Variants in UNC80 observed in about 807,000 individuals in gnomAD.
The protein encoded by UNC80 is protein unc-80 homolog.
A neutral mutation model predicts 384.6 loss-of-function variants in UNC80; 164 were observed. That is an observed-to-expected ratio of 0.43 (90% CI 0.38 to 0.49). UNC80 has a LOEUF of 0.49. UNC80 is among the 20% of genes least tolerant of loss of function. UNC80 has a pLI of 0.00. For synonymous variants in UNC80, 1,486 were observed against 1,527.8 expected (o/e 0.97, Z 0.64); for missense variants, 3,330 against 4,143.0 (o/e 0.80, Z 5.39).
chr2:209,845,310 A>G (rs770182430), intron 21 of UNC80: 12 of 152,200 alleles, frequency 7.9e-5, no homozygotes, highest in Non-Finnish European at 1.5e-4. Flanking sequence ...TTATGGCACT[A>G]TGCTTCCCCG....
At chr2:209,906,227 C>T (rs907129264) in intron 29 of UNC80, among the ~76,000 whole-genome samples, 5 of 151,706 alleles carry the variant, frequency 3.3e-5, no homozygotes, top group African/African-American at 1.2e-4. Flanking sequence ...TTTGTTATAC[C>T]TTAGTGCTCA....
intron 29 of UNC80, among the ~76,000 whole-genome samples, chr2:209,905,894 C>T (rs1054309266): frequency 3.3e-5 from 5 of 152,188 alleles, no homozygotes; most frequent in Non-Finnish European, 7.3e-5. Flanking sequence ...CCTAAATTTT[C>T]CACCTGCCCC....
At chr2:209,778,216 A>G (rs1298521929) in intron 4 of UNC80, among the ~76,000 whole-genome samples, 1 of 152,156 alleles carries the variant, frequency 6.6e-6, no homozygotes, top group African/African-American at 2.4e-5. Flanking sequence ...CAGCCTGGCC[A>G]ACATGGCAAA....
intron 22 of UNC80, among the ~76,000 whole-genome samples, chr2:209,862,282 G>A (rs1481935218): frequency 6.6e-6 from 1 of 151,878 alleles, no homozygotes; most frequent in Non-Finnish European, 1.5e-5. Context: ...GTGGTGCGGA[G>A]AAGAATGTAT....
intron 36 of UNC80, among the ~76,000 whole-genome samples, chr2:209,927,869 C>CT (rs1169829149): frequency 6.6e-6 from 1 of 152,042 alleles, no homozygotes; most frequent in African/African-American, 2.4e-5. Context: ...TTTAGAAAGA[C>CT]TTTAAATCCC....
At chr2:209,970,244 G>A (rs569788793) in intron 53 of UNC80, 38 of 234,916 alleles carry the variant, frequency 1.6e-4, no homozygotes, top group African/African-American at 8.1e-4. Context: ...AACTTAAAAT[G>A]CAAAGAGGAT....
chr2:209,898,808 A>G (rs776443442), intron 28 of UNC80, among the ~76,000 whole-genome samples: 2 of 152,074 alleles, frequency 1.3e-5, no homozygotes, highest in Non-Finnish European at 2.9e-5. Context: ...CTAACTCTCT[A>G]TGTCCATGAG....
Position 209,789,569 on chromosome 2 carries a change from C to G in UNC80, c.762C>G (p.Thr254=), listed in dbSNP as rs770149833. The G allele has an allele frequency of 6.2e-7, 1 of 1,613,506 alleles. No homozygotes were observed. Among genetic ancestry groups the G allele is most frequent in the South Asian group, 1.1e-5 (1 of 91,042 alleles). ...RSSPINSQSR[T]CESPNQDARH... ...CTCCTATCAACAGTCAAAGCCGGAC[C>G]TGTGAATCACCAAATCAAGATGCAA... The change falls in exon 6 of 65, where the codon ACC becomes ACG. Residue 254 remains threonine, a synonymous_variant. Coordinates refer to ENST00000673920, the MANE Select transcript of UNC80 (RefSeq NM_001371986.1).
At chr2:209,884,060 C>T (rs917197990) in intron 25 of UNC80, among the ~76,000 whole-genome samples, 4 of 151,980 alleles carry the variant, frequency 2.6e-5, no homozygotes, top group Non-Finnish European at 4.4e-5. Flanking sequence ...TTTTGTAAAC[C>T]GTGCAATTAA....
chr2:209,886,374 T>C (rs1264783553), intron 25 of UNC80, among the ~76,000 whole-genome samples: 1 of 151,674 alleles, frequency 6.6e-6, no homozygotes, highest in African/African-American at 2.4e-5. Context: ...GGTCCAGAGT[T>C]TGAGACTAGC....
At chr2:209,871,723 A>C (rs1250603563) in intron 22 of UNC80, among the ~76,000 whole-genome samples, 3 of 151,800 alleles carry the variant, frequency 2.0e-5, no homozygotes, top group Admixed American at 6.6e-5. Context: ...TCTTTCCTTA[A>C]CTTTTTTTAA....
At chr2:209,844,451 T>TTTC (rs71043953) in intron 21 of UNC80, among the ~76,000 whole-genome samples, 1,113 of 58,140 alleles carry the variant, frequency 0.019, 118 homozygotes, top group African/African-American at 0.065. Flanking sequence ...TGCTCTTTTC[T>TTTC]TTTCTTTCTT....
intron 51 of UNC80, among the ~76,000 whole-genome samples, chr2:209,961,739 A>G (rs2092597649): frequency 6.6e-6 from 1 of 152,204 alleles, no homozygotes; most frequent in Admixed American, 6.5e-5. Context: ...ACTTTTTTAA[A>G]ATACGAAGAA....
At chr2:209,783,318 T>C (rs552165871) in intron 4 of UNC80, among the ~76,000 whole-genome samples, 1 of 152,208 alleles carries the variant, frequency 6.6e-6, no homozygotes, top group South Asian at 2.1e-4. Context: ...ATACATAGCA[T>C]TGTGTGTTCC....
intron 22 of UNC80, among the ~76,000 whole-genome samples, chr2:209,850,744 G>A (rs1020559820): frequency 9.2e-5 from 14 of 152,224 alleles, no homozygotes; most frequent in African/African-American, 3.4e-4. Flanking sequence ...TTCAATGTGT[G>A]TTGATATGTG....
intron 7 of UNC80, among the ~76,000 whole-genome samples, chr2:209,798,824 C>T (rs901218832): frequency 2.0e-5 from 3 of 149,070 alleles, no homozygotes; most frequent in African/African-American, 7.4e-5. Flanking sequence ...ACTACAGGCG[C>T]CCACCACCAA....
At position 209,826,041 on chromosome 2, in the gene UNC80, A is replaced by G; in HGVS notation, c.2466A>G (p.Val822=). 1 of 1,548,728 alleles carries G rather than the reference A, an allele frequency of 6.5e-7. No homozygotes were observed. The highest frequency in any genetic ancestry group is 8.7e-7 in the Non-Finnish European group (1 of 1,145,862). The change falls in exon 14 of 65, where the codon GTA becomes GTG. Residue 822 remains valine, a synonymous_variant. Coordinates refer to ENST00000673920, the MANE Select transcript of UNC80 (RefSeq NM_001371986.1). The part of the protein sequence containing the change: ...GLSGDRLRHQ[V]FRENAQNCLT... The stretch of plus-strand genomic sequence containing the variant: ...CTGGAGATCGTCTGAGACACCAGGT[A>G]TTCCGAGAGAATGTAAGAGAATTAA...
chr2:209,918,921 C>A (rs1293720652), intron 33 of UNC80, among the ~76,000 whole-genome samples: 2 of 152,154 alleles, frequency 1.3e-5, no homozygotes, highest in African/African-American at 2.4e-5. Context: ...GCATTGATTT[C>A]TTGGCCAAAG....
intron 22 of UNC80, among the ~76,000 whole-genome samples, chr2:209,858,669 C>T (rs1029512180): frequency 8.8e-5 from 13 of 147,066 alleles, no homozygotes; most frequent in East Asian, 8.0e-4. Flanking sequence ...ACCCTGGTCT[C>T]GGCCACAGAA....
Sources: allele counts gnomAD v4.1 joint callset (sites outside exome capture counted in the v4.1 genomes callset), GRCh38; gene constraint gnomAD v4.1.1; transcripts MANE v1.5; gene names NCBI Gene and HGNC (gene_info 2026-07-23, HGNC 2026-07-21).